C3: variants seen among roughly 807,000 people sequenced by gnomAD.
The protein encoded by C3 is complement C3.
A neutral mutation model predicts 207.9 loss-of-function variants in C3; 97 were observed. The observed-to-expected ratio is 0.47, with a 90% CI of 0.40 to 0.55. C3 has a LOEUF of 0.55. Ranked by LOEUF, C3 falls within the 20% of genes least tolerant of loss-of-function variation. C3 has a pLI of 0.00. For synonymous variants in C3, 848 were observed against 857.6 expected (o/e 0.99, Z 0.20); for missense variants, 1,684 against 2,171.7 (o/e 0.78, Z 4.46).
chr19:6,716,155 C>T (rs1291528091), intron 4 of C3, among the ~76,000 whole-genome samples: 1 of 151,466 alleles, frequency 6.6e-6, no homozygotes, highest in Non-Finnish European at 1.5e-5. Context: ...GAACTCTTGG[C>T]CTCGAGCAGT....
chr19:6,686,446 CTT>C (rs1220258896), intron 28 of C3, 159 bp from the exon 29 acceptor site: 18 of 783,556 alleles, frequency 2.3e-5, no homozygotes, highest in African/African-American at 1.0e-4. Context: ...CCTTACCTCT[CTT>C]GTTTCATCAA....
intron 4 of C3, 91 bp from the exon 5 acceptor site, chr19:6,714,537 A>G: frequency 1.1e-6 from 1 of 892,942 alleles, no homozygotes; most frequent in East Asian, 2.5e-5. Flanking sequence ...GTGTCTGGAC[A>G]TTCTCTGTGC....
At chr19:6,712,694 A>G in intron 9 of C3, 71 bp from the exon 10 acceptor site, 1 of 1,283,886 alleles carries the variant, frequency 7.8e-7, no homozygotes, top group South Asian at 1.2e-5. Flanking sequence ...CTCAGAATGG[A>G]CCCCAACTTC....
rs575039053 is a variant in C3, at chr19:6,692,936, G to A, written c.3378C>T (p.His1126=). 3.7e-6 allele frequency: 6 copies of A among 1,613,988 alleles called. No individual in the cohort carries two copies. In the South Asian group the frequency reaches 5.5e-5, roughly 15 times the overall value. ...GVFQEDAPVI[H]QEMIGGLRNN... ...CCCAGCCTCTTACAATCATTTCTTG[G>A]TGTATCACGGGCGCATCCTCCTGGA... Residue 1126 remains histidine (H), a synonymous_variant, in exon 26 of 41, where the codon CAC becomes CAT. Transcript: ENST00000245907.
rs371893029 is a variant in C3 at position 6,696,575 on chromosome 19, C to T, written c.2863+18G>A. 6.2e-6 allele frequency: 10 copies of T among 1,613,244 alleles called. No individual in the cohort carries two copies. The highest frequency in any genetic ancestry group is 8.5e-6 in the Non-Finnish European group (10 of 1,179,342). ...TACCCTGCCAGCCCCTCAGCCCCTC[C>T]CCCTGCAGCCGACTCACCACGGCCC... On this transcript the variant is annotated intron_variant, in intron 22 of 40. Coordinates refer to ENST00000245907, the MANE Select transcript of C3 (RefSeq NM_000064.4).
intron 26 of C3, among the ~76,000 whole-genome samples, 158 bp downstream of exon 26, chr19:6,692,766 G>A (rs1599505833): frequency 1.3e-5 from 2 of 152,092 alleles, no homozygotes; most frequent in South Asian, 2.1e-4. Context: ...CTGGAGTGAC[G>A]CCTCTGGCTC....
chr19:6,715,156 G>C (rs570731572), intron 4 of C3, among the ~76,000 whole-genome samples: 1 of 151,996 alleles, frequency 6.6e-6, no homozygotes, highest in East Asian at 1.9e-4. Context: ...CAGTCTGGGT[G>C]AAAGAGCGAG....
intron 23 of C3, among the ~76,000 whole-genome samples, chr19:6,695,023 C>T (rs975260034): frequency 6.6e-6 from 1 of 152,136 alleles, no homozygotes; most frequent in Non-Finnish European, 1.5e-5. Context: ...GTAATCTCAG[C>T]ACTTTGGGAG....
chr19:6,688,989 C>A (rs1315299221), intron 27 of C3, among the ~76,000 whole-genome samples: 1 of 152,196 alleles, frequency 6.6e-6, no homozygotes, highest in Admixed American at 6.5e-5. Flanking sequence ...CAGCCATATT[C>A]TGCCTGAACT....
rs1967958183 is a variant in C3, at chr19:6,713,273, G to C, written c.919C>G (p.Leu307Val). Residue 307 changes from leucine to valine, a missense_variant, in exon 9 of 41, where the codon CTG becomes GTG. By Grantham distance (32) the Leu-to-Val change is conservative. This residue lies in a region of C3 where 1,280 missense variants were observed against 1,739.1 expected (regional missense o/e 0.74). Transcript: ENST00000245907. ...SGEVVLSRKV[L>V]LDGVQNPRAE... The stretch of plus-strand genomic sequence containing the variant: ...CGGGGGTTCTGCACCCCGTCCAGCA[G>C]TACCTTCCGGCTCAGCACAACCTCC... 6.2e-7 allele frequency: 1 copy of C among 1,613,606 alleles called. No homozygotes were observed. The highest frequency in any genetic ancestry group is 1.3e-5 in the African/African-American group (1 of 74,902).
chr19:6,714,084 T>C lies in C3; in HGVS notation c.683-2A>G. The stretch of plus-strand genomic sequence containing the variant: ...CTATGACCTCGAAACTGGGCAGCAC[T>C]GGGGGAGAGATGGCGTTGGTGGGGC... On this transcript the variant is annotated splice_acceptor_variant, in intron 6 of 40. Transcript: ENST00000245907. LOFTEE classifies it high-confidence loss of function. 1 of 1,612,268 alleles carries C rather than the reference T, an allele frequency of 6.2e-7. No homozygotes were observed. The highest frequency in any genetic ancestry group is 8.5e-7 in the Non-Finnish European group (1 of 1,179,372).
chr19:6,698,570 G>A (rs1967588799), intron 19 of C3, among the ~76,000 whole-genome samples: 1 of 151,954 alleles, frequency 6.6e-6, no homozygotes, highest in Non-Finnish European at 1.5e-5. Flanking sequence ...CTAGCTAGGT[G>A]CGGTGGCTCA....
At chr19:6,690,793 C>G in intron 26 of C3, 66 bp from the exon 27 acceptor site, 2 of 1,262,984 alleles carry the variant, frequency 1.6e-6, no homozygotes, top group South Asian at 1.2e-5. Context: ...GTCATCCCCC[C>G]TTGCAGATTC....
At chr19:6,690,144 G>C (rs1918132071) in intron 27 of C3, among the ~76,000 whole-genome samples, 1 of 152,336 alleles carries the variant, frequency 6.6e-6, no homozygotes, top group Non-Finnish European at 1.5e-5. Context: ...TGGAGTCACG[G>C]ATCCCTTTGA....
chr19:6,697,024 AGAGT>A (rs1336602406), intron 21 of C3, among the ~76,000 whole-genome samples: 1 of 129,438 alleles, frequency 7.7e-6, no homozygotes, highest in Non-Finnish European at 1.7e-5. Context: ...CCTGGGGAAC[AGAGT>A]GAGACTCTGT....
At position 6,719,014 on chromosome 19, in the gene C3, TAAGGGGAGGAGACTCAG is replaced by T. The variant is rs1350259371; in HGVS notation, c.267+180_267+196del. ...GGGTCTCAGAAAAGGGAGGGGCTTA[TAAGGGGAGGAGACTCAG>T]AAGGGGTGGAGTCTCAGAGAAGGGA... On this transcript the variant is annotated intron_variant, in intron 2 of 40. Coordinates refer to ENST00000245907, the MANE Select transcript of C3 (RefSeq NM_000064.4). This position sits in a 1 kb window ranked among gnomAD's most constrained non-coding sequence, Gnocchi z 5.4. Among the ~76,000 whole-genome samples the T allele has an allele frequency of 2.1e-5, 1 of 48,730 alleles. No individual in the cohort carries two copies. The highest frequency in any genetic ancestry group is 8.7e-5 in the African/African-American group (1 of 11,460). 32.0% of individuals were successfully genotyped at this position (48,730 alleles called of 152,430 possible). A position where few individuals can be genotyped will look rare whatever the true frequency, so the allele number is the denominator to read the frequency against.
At position 6,691,713 on chromosome 19, in the gene C3, G is replaced by A. The variant is rs529838703; in HGVS notation, c.3391-986C>T. ...AAACTCAGATTCCTAGGCCGGGCGC[G>A]GTGGCTCATGCCTGTAATCCCAGCA... On this transcript the variant is annotated intron_variant, in intron 26 of 40. Transcript: ENST00000245907. 8.5e-5 allele frequency among the ~76,000 whole-genome samples: 13 copies of A among 152,140 alleles called. 1 individual carries two copies. Among genetic ancestry groups the A allele is most frequent in the South Asian group, 8.3e-4 (4 of 4,822 alleles).
In C3 at chr19:6,684,580, A is replaced by T. The variant is rs11569541; in HGVS notation, c.4100T>A (p.Ile1367Lys). 3.7e-6 allele frequency: 6 copies of T among 1,613,860 alleles called. No individual in the cohort carries two copies. In the Admixed American group the frequency reaches 1.0e-4, roughly 27 times the overall value. ...TTTACCTGTTTCCGGTGCTGGTTTT[A>T]TGGTGACCTTGAGGTCGAATTTATT... ...TCNKFDLKVT[I>K]KPAPETEKRP... is the part of the protein sequence containing the mutation. The change falls in exon 32 of 41, where the codon ATA becomes AAA. Residue 1367 changes from isoleucine to lysine, a missense_variant. Physicochemically the swap from Ile to Lys is moderately radical, Grantham distance 102. Transcript: ENST00000245907.
chr19:6,689,338 T>TA (rs1918101826), intron 27 of C3, among the ~76,000 whole-genome samples: 7 of 27,372 alleles, frequency 2.6e-4, no homozygotes, highest in African/African-American at 1.3e-3. Flanking sequence ...CCTCCCTCCC[T>TA]CCCTCCCTCC....
Sources: allele counts gnomAD v4.1 joint callset (sites outside exome capture counted in the v4.1 genomes callset), GRCh38; gene constraint gnomAD v4.1.1; regional missense constraint gnomAD v4.1.1; non-coding constraint Gnocchi (gnomAD v3.1); transcripts MANE v1.5; gene names NCBI Gene and HGNC (gene_info 2026-07-23, HGNC 2026-07-21).